The following AACS variants were observed in gnomAD, a reference collection of about 807,000 sequenced individuals.
AACS encodes acetoacetate-CoA ligase.
A neutral mutation model predicts 83.1 loss-of-function variants in AACS; 69 were observed. The ratio of observed to expected loss-of-function variants is 0.83; its 90% CI spans 0.68 to 1.01. The LOEUF (loss-of-function observed/expected upper bound fraction) is 1.01, where lower values mean the gene tolerates loss of function less well. AACS is among the 50% of genes least tolerant of loss of function. The pLI, the probability that AACS is intolerant of heterozygous loss-of-function variation, is 0.00. For missense variants in AACS, 866 were observed against 882.2 expected (o/e 0.98, Z 0.23); for synonymous variants, 333 against 343.4 (o/e 0.97, Z 0.33).
rs557404129 is a variant in AACS at position 125,130,376 on chromosome 12, C to T, written c.1549+916C>T. Among the ~76,000 whole-genome samples, 35 of 152,366 alleles carry T rather than the reference C, an allele frequency of 2.3e-4. No homozygotes were observed. The highest frequency in any genetic ancestry group is 6.7e-4 in the African/African-American group (28 of 41,590). On this transcript the variant is annotated intron_variant, in intron 14 of 17. Coordinates refer to ENST00000316519, the MANE Select transcript of AACS (RefSeq NM_023928.5). The surrounding 1 kb of genome is among the most constrained non-coding windows in gnomAD (Gnocchi z 4.9). ...ACCTATGCCCCACCTTGGCTCCTGCCGTGAGCAGCTGTGCAGACAGACGAA... is the reference window on the plus strand; with the variant it reads ...ACCTATGCCCCACCTTGGCTCCTGCTGTGAGCAGCTGTGCAGACAGACGAA...
intron 8 of AACS, among the ~76,000 whole-genome samples, chr12:125,110,658 CT>C: frequency 6.6e-6 from 1 of 152,322 alleles, no homozygotes; most frequent in East Asian, 1.9e-4. Context: ...GTCAAACCTT[CT>C]GATCACCACT....
At chr12:125,126,962 C>T (rs1957253819) in intron 12 of AACS, 1 of 151,976 alleles carries the variant, frequency 6.6e-6, no homozygotes, top group African/African-American at 2.4e-5. Context: ...TCTCAAAGCA[C>T]CTCTTTAAGA....
rs761441827 is a variant in AACS, at chr12:125,076,453, C to T, written c.238-38C>T. On this transcript the variant is annotated intron_variant, in intron 2 of 17. Coordinates refer to ENST00000316519, the MANE Select transcript of AACS (RefSeq NM_023928.5). ...GTTTTGCTGATCTGTAGCGTAGTCTCATGTGTGTGCGTCTTGGTTTGTTGT... is the reference window on the plus strand; with the variant it reads ...GTTTTGCTGATCTGTAGCGTAGTCTTATGTGTGTGCGTCTTGGTTTGTTGT... 2.5e-6 allele frequency: 4 copies of T among 1,609,068 alleles called. No individual in the cohort carries two copies. The South Asian group carries it at 4.4e-5, about 18-fold the overall frequency.
At chr12:125,088,031 T>C (rs1442845929) in intron 4 of AACS, among the ~76,000 whole-genome samples, 1 of 152,158 alleles carries the variant, frequency 6.6e-6, no homozygotes, top group African/African-American at 2.4e-5. Context: ...GCTTTCATCA[T>C]AGTCCTCATG....
intron 7 of AACS, among the ~76,000 whole-genome samples, chr12:125,104,008 A>G (rs1300555664): frequency 4.1e-5 from 6 of 146,040 alleles, no homozygotes; most frequent in African/African-American, 1.6e-4. Context: ...AAAAAAAAAA[A>G]AAAAAAAAAA....
chr12:125,141,244 C>G (rs1192846877), intron 17 of AACS: 2 of 152,586 alleles, frequency 1.3e-5, no homozygotes, highest in Non-Finnish European at 2.9e-5. Flanking sequence ...TGACCCTGAA[C>G]CCTGAGAGAT....
intron 16 of AACS, 26 bp from the exon 17 acceptor site, chr12:125,136,636 A>G (rs1255193061): frequency 1.2e-6 from 2 of 1,608,234 alleles, no homozygotes; most frequent in Non-Finnish European, 1.7e-6. Flanking sequence ...CCCTGCGTGA[A>G]TGTGCACCCT....
intron 2 of AACS, among the ~76,000 whole-genome samples, chr12:125,075,122 G>GCC (rs1264657375): frequency 1.3e-5 from 2 of 150,164 alleles, no homozygotes; most frequent in East Asian, 2.0e-4. Flanking sequence ...TTACAGGCAT[G>GCC]CGCCACCACG....
intron 4 of AACS, among the ~76,000 whole-genome samples, chr12:125,088,782 C>G (rs955614417): frequency 2.0e-5 from 3 of 152,218 alleles, no homozygotes; most frequent in African/African-American, 7.2e-5. Flanking sequence ...AGACGCCTGG[C>G]CGCGATGCCC....
chr12:125,077,383 G>A (rs901818443), intron 3 of AACS, among the ~76,000 whole-genome samples: 1 of 151,756 alleles, frequency 6.6e-6, no homozygotes, highest in Non-Finnish European at 1.5e-5. Flanking sequence ...GGTGGCGGGC[G>A]CCTGTAGTCC....
At chr12:125,105,292 T>G (rs1956809384) in intron 7 of AACS, 1 of 152,224 alleles carries the variant, frequency 6.6e-6, no homozygotes, top group Non-Finnish European at 1.5e-5. Context: ...TCAGTGATCC[T>G]GCCTGTCATT....
intron 4 of AACS, among the ~76,000 whole-genome samples, chr12:125,086,820 A>G (rs1187196965): frequency 1.3e-5 from 2 of 151,460 alleles, no homozygotes; most frequent in Non-Finnish European, 2.9e-5. Flanking sequence ...CCCATTCAAT[A>G]TGGGCTTGCT....
At position 125,140,650 on chromosome 12, in the gene AACS, G is replaced by C. The variant is rs989186627; in HGVS notation, c.1882-1442G>C. 6.6e-6 allele frequency: 1 copy of C among 151,798 alleles called. No individual in the cohort carries two copies. Among genetic ancestry groups the C allele is most frequent in the South Asian group, 2.1e-4 (1 of 4,802 alleles). The allele number at this position is 151,798 out of a possible 1,614,324, so 9.4% of individuals were successfully genotyped here. ...CGCCAGTGATCGAGGACTCGTCACT[G>C]GGCTCTGTTGCTCCTGAAGTTTCCT... On this transcript the variant is annotated intron_variant, in intron 17 of 17. Transcript: ENST00000316519. The surrounding 1 kb of genome is among the most constrained non-coding windows in gnomAD (Gnocchi z 5.1).
chr12:125,081,990 C>A, intron 3 of AACS, among the ~76,000 whole-genome samples: 1 of 151,654 alleles, frequency 6.6e-6, no homozygotes, highest in Non-Finnish European at 1.5e-5. Context: ...ATTCTTCTGT[C>A]TCAGCCTCCC....
Position 125,067,130 on chromosome 12 carries a change from C to T in AACS, c.133+1413C>T, listed in dbSNP as rs892617447. Reference sequence around the variant, plus strand: ...TGACCACAAAATTGCAGACGGCTGCCTGGCAGCTTCCAGGCCCTCCACAGC... The same window carrying T: ...TGACCACAAAATTGCAGACGGCTGCTTGGCAGCTTCCAGGCCCTCCACAGC... On this transcript the variant is annotated intron_variant, in intron 1 of 17. Transcript: ENST00000316519. 7.2e-5 allele frequency among the ~76,000 whole-genome samples: 11 copies of T among 152,208 alleles called. No individual in the cohort carries two copies. The South Asian group carries it at 1.9e-3, about 26-fold the overall frequency.
chr12:125,119,015 T>G (rs1957107530), intron 10 of AACS, among the ~76,000 whole-genome samples: 1 of 152,260 alleles, frequency 6.6e-6, no homozygotes, highest in East Asian at 1.9e-4. Flanking sequence ...AGAAAAATCC[T>G]ACGGGCAGTG....
chr12:125,121,952 G>C (rs1957159724), intron 10 of AACS: 1 of 152,614 alleles, frequency 6.6e-6, no homozygotes, highest in African/African-American at 2.4e-5. Flanking sequence ...GGCACTGGGA[G>C]GGGGAAGGTA....
intron 7 of AACS, among the ~76,000 whole-genome samples, chr12:125,106,862 G>A (rs538460869): frequency 1.2e-4 from 19 of 152,300 alleles, no homozygotes; most frequent in African/African-American, 4.6e-4. Context: ...CTAAAAGACA[G>A]CCCTTGGCCC....
Position 125,079,086 on chromosome 12 carries a change from G to T in AACS, c.358+2475G>T, listed in dbSNP as rs74594277. On this transcript the variant is annotated intron_variant, in intron 3 of 17. Transcript: ENST00000316519. ...TTCCTCTGGCTGACCCCTGTACCTG[G>T]AATCTCCTCCCCGCACCTCTGCGGA... 9.9e-3 allele frequency among the ~76,000 whole-genome samples: 1,506 copies of T among 152,202 alleles called. 12 individuals are homozygous for T. The highest frequency in any genetic ancestry group is 0.048 in the Middle Eastern group (14 of 294).
Sources: allele counts gnomAD v4.1 joint callset (sites outside exome capture counted in the v4.1 genomes callset), GRCh38; gene constraint gnomAD v4.1.1; non-coding constraint Gnocchi (gnomAD v3.1); transcripts MANE v1.5; gene names NCBI Gene and HGNC (gene_info 2026-07-23, HGNC 2026-07-21).